Variants in FBXL20 observed in about 807,000 individuals in gnomAD.
The protein encoded by FBXL20 is F-box/LRR-repeat protein 20.
In FBXL20, 11 loss-of-function variants were observed where a neutral mutation model predicts 64.0. The observed-to-expected ratio is 0.17, with a 90% confidence interval of 0.11 to 0.28. FBXL20 has a LOEUF of 0.28. Among genes scored for constraint, FBXL20 ranks in the 10% least tolerant of loss-of-function variants. The probability of loss-of-function intolerance (pLI) is 1.00; values close to 1 mark genes in which losing one functional copy is unlikely to be tolerated. For synonymous variants in FBXL20, 184 were observed against 189.0 expected (o/e 0.97, Z 0.22); for missense variants, 303 against 526.2 (o/e 0.58, Z 4.15).
At chr17:39,307,457 GA>G (rs61217117) in intron 2 of FBXL20, among the ~76,000 whole-genome samples, 158 of 152,266 alleles carry the variant, frequency 1.0e-3, no homozygotes, top group African/African-American at 3.7e-3. Context: ...TATGACAAAC[GA>G]ATGTTTGAAG....
At chr17:39,399,027 G>A (rs1484353021) in intron 1 of FBXL20, among the ~76,000 whole-genome samples, 3 of 152,162 alleles carry the variant, frequency 2.0e-5, no homozygotes, top group African/African-American at 4.8e-5. Flanking sequence ...CAGAGTGGGA[G>A]ATTTAAGGTG....
At chr17:39,277,066 T>C (rs1230385933) in intron 9 of FBXL20, among the ~76,000 whole-genome samples, 1 of 152,254 alleles carries the variant, frequency 6.6e-6, no homozygotes, top group Non-Finnish European at 1.5e-5. Flanking sequence ...TTAATAGTCA[T>C]GTCCATAAAT....
chr17:39,253,520 C>A lies in FBXL20; in HGVS notation c.*7940G>T, dbSNP rs1465425209. On this transcript the variant is annotated 3_prime_UTR_variant, in exon 15 of 15. Transcript: ENST00000264658. ...AGTGGGTAGTCACAGATACTCAGGG[C>A]TCCAAGAGCCACACCATGGTGAGAA... is the stretch of plus-strand genomic sequence containing the variant. The A allele has an allele frequency of 6.6e-6, 1 of 152,350 alleles. No individual in the cohort carries two copies. The highest frequency in any genetic ancestry group is 1.5e-5 in the Non-Finnish European group (1 of 68,050). The allele number at this position is 152,350 out of a possible 1,614,324, so 9.4% of individuals were successfully genotyped here.
intron 1 of FBXL20, among the ~76,000 whole-genome samples, chr17:39,364,017 G>A (rs2047832761): frequency 6.6e-6 from 1 of 150,526 alleles, no homozygotes; most frequent in African/African-American, 2.5e-5. Context: ...AGCCTCCCGA[G>A]TAGCTGAGAT....
chr17:39,308,486 C>T (rs942163480), intron 2 of FBXL20, among the ~76,000 whole-genome samples: 1 of 151,024 alleles, frequency 6.6e-6, no homozygotes, highest in Admixed American at 6.6e-5. Flanking sequence ...CAGAGCCAGA[C>T]TGTCTCTTAA....
chr17:39,269,482 C>T (rs1451449216), intron 11 of FBXL20, among the ~76,000 whole-genome samples: 4 of 150,892 alleles, frequency 2.7e-5, no homozygotes, highest in Admixed American at 6.6e-5. Flanking sequence ...CGTGAGCCAT[C>T]GCGCCCGGCC....
intron 14 of FBXL20, among the ~76,000 whole-genome samples, chr17:39,263,506 C>G (rs888749998): frequency 6.6e-6 from 1 of 151,504 alleles, no homozygotes; most frequent in Non-Finnish European, 1.5e-5. Context: ...CAGAGGAGAC[C>G]CTGTCTTAAA....
chr17:39,320,368 G>A (rs2047343977), intron 2 of FBXL20, among the ~76,000 whole-genome samples: 1 of 152,044 alleles, frequency 6.6e-6, no homozygotes, highest in African/African-American at 2.4e-5. Context: ...ATACTTGCCT[G>A]TCTGCCTTCA....
At chr17:39,265,747 T>A (rs1368729414) in intron 12 of FBXL20, among the ~76,000 whole-genome samples, 2 of 151,192 alleles carry the variant, frequency 1.3e-5, no homozygotes, top group African/African-American at 4.9e-5. Flanking sequence ...GCTCTTGAAT[T>A]CCTGAGCTCA....
chr17:39,374,259 T>G (rs1261129825), intron 1 of FBXL20, among the ~76,000 whole-genome samples: 1 of 151,618 alleles, frequency 6.6e-6, no homozygotes, highest in Non-Finnish European at 1.5e-5. Context: ...CCAGTCGGAA[T>G]GGCTCACGCC....
chr17:39,402,480 G>T (rs1435643288), upstream of FBXL20: 3 of 350,618 alleles, frequency 8.6e-6, no homozygotes, highest in East Asian at 1.2e-4. Context: ...CTGAGGCCGG[G>T]GGTCGGGGGT....
At chr17:39,332,536 CTTTTT>C (rs58827473) in intron 2 of FBXL20, among the ~76,000 whole-genome samples, 3 of 96,964 alleles carry the variant, frequency 3.1e-5, no homozygotes, top group Admixed American at 2.6e-4. Context: ...TTCTTTGTAT[CTTTTT>C]TTTTTTTTTT....
intron 1 of FBXL20, among the ~76,000 whole-genome samples, chr17:39,385,939 A>G (rs2048074257): frequency 6.6e-6 from 1 of 150,760 alleles, no homozygotes; most frequent in African/African-American, 2.4e-5. Flanking sequence ...CTGAGGCAGG[A>G]GAATCACTTG....
At chr17:39,361,840 T>C (rs1288515407) in intron 1 of FBXL20, among the ~76,000 whole-genome samples, 1 of 151,134 alleles carries the variant, frequency 6.6e-6, no homozygotes, top group African/African-American at 2.4e-5. Context: ...CTCATACCTG[T>C]AAATCCCAGC....
intron 6 of FBXL20, among the ~76,000 whole-genome samples, chr17:39,288,728 A>C (rs954684435): frequency 7.9e-5 from 12 of 151,208 alleles, no homozygotes; most frequent in African/African-American, 2.9e-4. Flanking sequence ...TTTTTTCCTA[A>C]GACACAGTCT....
At chr17:39,356,631 T>TA (rs1370017420) in intron 1 of FBXL20, among the ~76,000 whole-genome samples, 2 of 152,020 alleles carry the variant, frequency 1.3e-5, no homozygotes. Flanking sequence ...GCTAGGATTA[T>TA]AGGCATGAGC....
At chr17:39,374,833 G>C (rs1265832223) in intron 1 of FBXL20, among the ~76,000 whole-genome samples, 1 of 152,102 alleles carries the variant, frequency 6.6e-6, no homozygotes, top group Non-Finnish European at 1.5e-5. Context: ...CTCTTGCCAG[G>C]CTGGGTGTAG....
intron 1 of FBXL20, among the ~76,000 whole-genome samples, chr17:39,359,851 G>C (rs2047777413): frequency 6.6e-6 from 1 of 152,078 alleles, no homozygotes; most frequent in African/African-American, 2.4e-5. Flanking sequence ...GTTCACAACA[G>C]CCAAAAGGCA....
At position 39,317,709 on chromosome 17, in the gene FBXL20, TTTTTTTTTTTG is replaced by T. The variant is rs1478974006; in HGVS notation, c.105-14081_105-14071del. 4.9e-5 allele frequency among the ~76,000 whole-genome samples: 5 copies of T among 102,324 alleles called. No homozygotes were observed. In the East Asian group the frequency reaches 1.2e-3, roughly 25 times the overall value. The allele number at this position is 102,324 out of a possible 152,430, so 67.1% of individuals were successfully genotyped here. ...TTTTTGTTTTTTTTTTTGTTTTTTT[TTTTTTTTTTTG>T]AGACGGAGTCTCACTCTGTCACCCA... On this transcript the variant is annotated intron_variant, in intron 2 of 14. Transcript: ENST00000264658.
Sources: allele counts gnomAD v4.1 joint callset (sites outside exome capture counted in the v4.1 genomes callset), GRCh38; gene constraint gnomAD v4.1.1; transcripts MANE v1.5; gene names NCBI Gene and HGNC (gene_info 2026-07-23, HGNC 2026-07-21).